The following CDK6 variants were observed in gnomAD, a reference collection of about 807,000 sequenced individuals.
CDK6 encodes the protein cyclin dependent kinase 6.
Under a neutral mutation model 37.1 loss-of-function variants are expected in CDK6, and 6 were observed. The observed-to-expected ratio is 0.16, with a 90% CI of 0.09 to 0.32. The LOEUF is 0.32. Among genes scored for constraint, CDK6 ranks in the 10% least tolerant of loss-of-function variants. The pLI, the probability that CDK6 is intolerant of heterozygous loss-of-function variation, is 1.00. For missense variants in CDK6, 224 were observed against 418.9 expected (o/e 0.53, Z 4.06); for synonymous variants, 160 against 161.3 (o/e 0.99, Z 0.06).
At chr7:92,644,127 G>A (rs1207863176) in intron 5 of CDK6, among the ~76,000 whole-genome samples, 1 of 152,166 alleles carries the variant, frequency 6.6e-6, no homozygotes, top group Non-Finnish European at 1.5e-5. Context: ...CAACCAAAAG[G>A]CTTTTGAAAC....
chr7:92,655,895 G>A (rs1796684654), intron 5 of CDK6, among the ~76,000 whole-genome samples: 1 of 152,212 alleles, frequency 6.6e-6, no homozygotes, highest in Non-Finnish European at 1.5e-5. Flanking sequence ...ATACACACAC[G>A]CTCCTAAGCA....
intron 3 of CDK6, among the ~76,000 whole-genome samples, chr7:92,727,624 A>G (rs1798543612): frequency 6.6e-6 from 1 of 152,146 alleles, no homozygotes; most frequent in Non-Finnish European, 1.5e-5. Context: ...CTAAAAGAAA[A>G]CATGACCACT....
chr7:92,692,902 T>C (rs1797628837), intron 4 of CDK6, among the ~76,000 whole-genome samples: 1 of 152,250 alleles, frequency 6.6e-6, no homozygotes, highest in South Asian at 2.1e-4. Context: ...TTCTTTGATT[T>C]TCCTCGTGTA....
At chr7:92,789,295 G>C (rs1800223267) in intron 2 of CDK6, among the ~76,000 whole-genome samples, 1 of 152,166 alleles carries the variant, frequency 6.6e-6, no homozygotes, top group Admixed American at 6.5e-5. Flanking sequence ...AATGCTAAAG[G>C]GAGTCCTTCA....
Position 92,606,892 on chromosome 7 carries a change from TACCA to T in CDK6, c.*8244_*8247del, listed in dbSNP as rs1795442048. On this transcript the variant is annotated 3_prime_UTR_variant, in exon 8 of 8. Coordinates refer to ENST00000424848, the MANE Select transcript of CDK6 (RefSeq NM_001145306.2). ...TTTCTTAACACATACTGCTCTTCTA[TACCA>T]AACACTTGCCCTTTAACCTTCAGAT... 4.3e-6 allele frequency: 1 copy of T among 232,868 alleles called. No homozygotes were observed. Among genetic ancestry groups the T allele is most frequent in the Non-Finnish European group, 8.5e-6 (1 of 117,880 alleles). 14.4% of individuals were successfully genotyped at this position (232,868 alleles called of 1,614,324 possible). A position where few individuals can be genotyped will look rare whatever the true frequency, so the allele number is the denominator to read the frequency against.
intron 4 of CDK6, among the ~76,000 whole-genome samples, chr7:92,679,881 C>T (rs370773031): frequency 4.0e-5 from 6 of 151,622 alleles, no homozygotes; most frequent in African/African-American, 1.5e-4. Flanking sequence ...CCACCATGCC[C>T]GGCTAATTTT....
intron 4 of CDK6, among the ~76,000 whole-genome samples, chr7:92,672,166 T>TACACACACACAC (rs1434883987): frequency 6.5e-4 from 25 of 38,704 alleles, no homozygotes; most frequent in Admixed American, 8.9e-4. Flanking sequence ...TATATACACA[T>TACACACACACAC]ACACACACAC....
chr7:92,686,169 T>G (rs942885177), intron 4 of CDK6, among the ~76,000 whole-genome samples: 1 of 152,174 alleles, frequency 6.6e-6, no homozygotes, highest in African/African-American at 2.4e-5. Flanking sequence ...ATTTATGTAT[T>G]TATTTATTTT....
At position 92,833,279 on chromosome 7, in the gene CDK6, G is replaced by A. The variant is rs1801540663; in HGVS notation, c.45C>T (p.Cys15=). The A allele has an allele frequency of 1.2e-6, 2 of 1,608,950 alleles. No homozygotes were observed. Among genetic ancestry groups the A allele is most frequent in the Non-Finnish European group, 8.5e-7 (1 of 1,178,614 alleles). Residue 15 remains cysteine (C), a synonymous_variant, in exon 2 of 8, where the codon TGC becomes TGT. Coordinates refer to ENST00000424848, the MANE Select transcript of CDK6 (RefSeq NM_001145306.2). The surrounding 1 kb of genome is among the most constrained non-coding windows in gnomAD (Gnocchi z 6.1). ...GLCRADQQYE[C]VAEIGEGAYG... ...AGGCGCCCTCCCCGATCTCCGCCAC[G>A]CATTCGTACTGCTGGTCAGCGCGGC...
chr7:92,703,619 T>G (rs919330583), intron 4 of CDK6, among the ~76,000 whole-genome samples: 3 of 152,226 alleles, frequency 2.0e-5, no homozygotes, highest in Non-Finnish European at 2.9e-5. Context: ...GTGTTATGTA[T>G]GCAAGCAACT....
chr7:92,744,382 C>G (rs1233264005), intron 3 of CDK6, among the ~76,000 whole-genome samples: 5 of 152,158 alleles, frequency 3.3e-5, no homozygotes, highest in Non-Finnish European at 7.4e-5. Context: ...GTGAGACTTA[C>G]TCATTACCAC....
intron 4 of CDK6, among the ~76,000 whole-genome samples, chr7:92,694,890 A>G (rs184993752): frequency 5.3e-5 from 8 of 152,338 alleles, no homozygotes; most frequent in East Asian, 3.9e-4. Flanking sequence ...GTTCCTACCT[A>G]TTGAAATATA....
intron 2 of CDK6, among the ~76,000 whole-genome samples, chr7:92,799,534 C>T (rs562054563): frequency 6.6e-6 from 1 of 150,868 alleles, no homozygotes; most frequent in South Asian, 2.1e-4. Context: ...ATTTCTTGCT[C>T]ATTCATCTAT....
At chr7:92,647,442 G>A (rs139177704) in intron 5 of CDK6, among the ~76,000 whole-genome samples, 12 of 152,324 alleles carry the variant, frequency 7.9e-5, no homozygotes, top group Admixed American at 3.3e-4. Flanking sequence ...AGTTGAGGAG[G>A]TGAGTGGGCA....
At chr7:92,665,352 A>C (rs1171182064) in intron 5 of CDK6, among the ~76,000 whole-genome samples, 1 of 152,198 alleles carries the variant, frequency 6.6e-6, no homozygotes, top group Non-Finnish European at 1.5e-5. Flanking sequence ...AACCAAATTT[A>C]TAACAATTTT....
intron 5 of CDK6, among the ~76,000 whole-genome samples, chr7:92,647,023 A>T (rs1585365764): frequency 6.6e-6 from 1 of 152,224 alleles, no homozygotes; most frequent in East Asian, 1.9e-4. Context: ...CTGTTTTGAA[A>T]AAGGCAAGGA....
At chr7:92,729,220 T>A (rs1798585538) in intron 3 of CDK6, among the ~76,000 whole-genome samples, 1 of 152,198 alleles carries the variant, frequency 6.6e-6, no homozygotes, top group Non-Finnish European at 1.5e-5. Flanking sequence ...GTTTATAGTA[T>A]CGTGAGGCAT....
chr7:92,721,264 T>C (rs780106643), intron 4 of CDK6, among the ~76,000 whole-genome samples: 4 of 152,100 alleles, frequency 2.6e-5, no homozygotes, highest in Admixed American at 2.6e-4. Flanking sequence ...AAAATCCCTA[T>C]TAGGAGGAAG....
At chr7:92,806,020 T>G (rs1175609908) in intron 2 of CDK6, among the ~76,000 whole-genome samples, 1 of 152,214 alleles carries the variant, frequency 6.6e-6, no homozygotes, top group Non-Finnish European at 1.5e-5. Context: ...CACAACAATG[T>G]GAATGTACTT....
Sources: gnomAD v4.1 joint callset for allele counts (sites outside exome capture counted in the v4.1 genomes callset) on GRCh38, gnomAD v4.1.1 for gene constraint, Gnocchi (gnomAD v3.1) non-coding constraint, MANE v1.5 for transcripts, NCBI Gene and HGNC (gene_info 2026-07-23, HGNC 2026-07-21) for gene names.